Variants in NPFFR2 observed in about 807,000 individuals in gnomAD.
The protein encoded by NPFFR2 is neuropeptide FF receptor 2.
A neutral mutation model predicts 13.1 loss-of-function variants in NPFFR2; 15 were observed. The ratio of observed to expected loss-of-function variants is 1.15; its 90% CI spans 0.77 to 1.76. The LOEUF (loss-of-function observed/expected upper bound fraction) is 1.76. Among genes scored for constraint, NPFFR2 ranks in the 40% most tolerant of loss-of-function variants. NPFFR2 has a pLI of 0.00. For synonymous variants in NPFFR2, 190 were observed against 175.7 expected, an observed-to-expected ratio of 1.08 and a Z score of -0.65; for missense variants, 572 against 503.5, an observed-to-expected ratio of 1.14 and a Z score of -1.30.
At chr4:72,109,495 A>C (rs771662412) in intron 1 of NPFFR2, among the ~76,000 whole-genome samples, 5 of 151,944 alleles carry the variant, frequency 3.3e-5, no homozygotes, top group African/African-American at 4.8e-5. Flanking sequence ...TTCTCTGTTG[A>C]CTGACTGTGG....
chr4:72,096,892 T>A (rs898492314), intron 1 of NPFFR2, among the ~76,000 whole-genome samples: 3 of 152,042 alleles, frequency 2.0e-5, no homozygotes, highest in African/African-American at 7.2e-5. Flanking sequence ...AGTAAAACCA[T>A]CATAAATTGA....
At chr4:72,037,107 T>G (rs1271805881) in intron 1 of NPFFR2, among the ~76,000 whole-genome samples, 1 of 151,932 alleles carries the variant, frequency 6.6e-6, no homozygotes, top group Non-Finnish European at 1.5e-5. Context: ...AGTACCTCAT[T>G]TAGGCCAGGT....
intron 1 of NPFFR2, among the ~76,000 whole-genome samples, chr4:72,077,254 T>A (rs925632536): frequency 6.6e-6 from 1 of 152,178 alleles, no homozygotes; most frequent in Non-Finnish European, 1.5e-5. Context: ...ATATTGGGGA[T>A]TTTTGTTGGC....
chr4:72,085,531 C>T (rs1314750808), intron 1 of NPFFR2, among the ~76,000 whole-genome samples: 1 of 152,138 alleles, frequency 6.6e-6, no homozygotes, highest in Admixed American at 6.6e-5. Flanking sequence ...TTGAGATCCT[C>T]ATAGCATAAA....
At chr4:72,141,376 T>C (rs1482966193) in intron 3 of NPFFR2, among the ~76,000 whole-genome samples, 1 of 152,222 alleles carries the variant, frequency 6.6e-6, no homozygotes, top group Non-Finnish European at 1.5e-5. Flanking sequence ...AGATCTTTCC[T>C]GCTTTCTCTT....
intron 2 of NPFFR2, among the ~76,000 whole-genome samples, chr4:72,135,098 T>C (rs182754727): frequency 1.6e-4 from 24 of 152,302 alleles, no homozygotes; most frequent in African/African-American, 5.3e-4. Context: ...TTGCTACTGC[T>C]ATAAAATATG....
chr4:72,139,967 C>G (rs1440221014), intron 3 of NPFFR2, among the ~76,000 whole-genome samples: 1 of 152,032 alleles, frequency 6.6e-6, no homozygotes, highest in African/African-American at 2.4e-5. Context: ...TGAAGAGGTC[C>G]TTCACATCCC....
intron 2 of NPFFR2, among the ~76,000 whole-genome samples, chr4:72,133,674 G>A (rs1722321317): frequency 2.0e-5 from 3 of 151,912 alleles, no homozygotes; most frequent in Admixed American, 6.6e-5. Flanking sequence ...GTGTCATCAT[G>A]GATTTCTTTG....
At chr4:72,083,000 A>G (rs889828543) in intron 1 of NPFFR2, among the ~76,000 whole-genome samples, 15 of 152,208 alleles carry the variant, frequency 9.9e-5, no homozygotes, top group African/African-American at 3.6e-4. Flanking sequence ...TTTCTTTAAA[A>G]AAACAAAACC....
intron 1 of NPFFR2, among the ~76,000 whole-genome samples, chr4:72,077,569 AT>A (rs752939794): frequency 6.6e-6 from 1 of 152,132 alleles, no homozygotes; most frequent in Non-Finnish European, 1.5e-5. Context: ...AAACAGGTTG[AT>A]TATTAATTAG....
At chr4:72,049,792 G>A (rs1379035665) in intron 1 of NPFFR2, among the ~76,000 whole-genome samples, 1 of 151,376 alleles carries the variant, frequency 6.6e-6, no homozygotes, top group Admixed American at 6.6e-5. Context: ...TCTTGTAAGT[G>A]CTAGTGATAA....
At chr4:72,120,014 A>C (rs1271683442) in intron 1 of NPFFR2, among the ~76,000 whole-genome samples, 1 of 152,176 alleles carries the variant, frequency 6.6e-6, no homozygotes, top group Admixed American at 6.5e-5. Context: ...GAGCCCAGCA[A>C]GCTAAGATCC....
At chr4:72,131,535 A>G (rs1722243290) in intron 2 of NPFFR2, among the ~76,000 whole-genome samples, 1 of 151,898 alleles carries the variant, frequency 6.6e-6, no homozygotes, top group African/African-American at 2.4e-5. Flanking sequence ...AGCATGGCAC[A>G]TGTATACATA....
intron 1 of NPFFR2, among the ~76,000 whole-genome samples, chr4:72,116,699 T>G (rs1721722117): frequency 6.6e-6 from 1 of 152,198 alleles, no homozygotes; most frequent in Non-Finnish European, 1.5e-5. Flanking sequence ...AGTATAACAG[T>G]CATTTAATTA....
chr4:72,079,364 A>G (rs1220420267), intron 1 of NPFFR2, among the ~76,000 whole-genome samples: 1 of 152,120 alleles, frequency 6.6e-6, no homozygotes, highest in African/African-American at 2.4e-5. Flanking sequence ...CTACATTTGG[A>G]TGATAGCCTT....
At chr4:72,095,155 G>A (rs114938643) in intron 1 of NPFFR2, among the ~76,000 whole-genome samples, 1,662 of 152,202 alleles carry the variant, frequency 0.011, 36 homozygotes, top group African/African-American at 0.038. Flanking sequence ...ATTTTCAGAA[G>A]GATAGTAAGA....
At chr4:72,089,000 G>A (rs1720843096) in intron 1 of NPFFR2, among the ~76,000 whole-genome samples, 1 of 151,940 alleles carries the variant, frequency 6.6e-6, no homozygotes, top group Non-Finnish European at 1.5e-5. Flanking sequence ...TTTCCACTGA[G>A]TCCTCAAAAT....
chr4:72,046,286 A>C (rs1214468434), intron 1 of NPFFR2, among the ~76,000 whole-genome samples: 2 of 152,174 alleles, frequency 1.3e-5, no homozygotes, highest in Admixed American at 1.3e-4. Context: ...ATATTATTGC[A>C]AACTGGGGAC....
chr4:72,116,455 C>A (rs928116614), intron 1 of NPFFR2, among the ~76,000 whole-genome samples: 1 of 151,746 alleles, frequency 6.6e-6, no homozygotes, highest in Admixed American at 6.6e-5. Flanking sequence ...GAAAAACTAC[C>A]TATTGTGTAC....
Sources: gnomAD v4.1 joint callset for allele counts (sites outside exome capture counted in the v4.1 genomes callset) on GRCh38, gnomAD v4.1.1 for gene constraint, MANE v1.5 for transcripts, NCBI Gene and HGNC (gene_info 2026-07-23, HGNC 2026-07-21) for gene names.